Variants in PRKX observed in about 807,000 individuals in gnomAD.
The protein encoded by PRKX is protein kinase cAMP-dependent X-linked catalytic subunit.
In PRKX, 12 loss-of-function variants were observed where a neutral mutation model predicts 22.0. That is an observed-to-expected ratio of 0.54 (90% CI 0.35 to 0.88). The LOEUF (loss-of-function observed/expected upper bound fraction) is 0.88. Among genes scored for constraint, PRKX ranks in the 40% least tolerant of loss-of-function variants. PRKX has a pLI of 0.01. For synonymous variants in PRKX, 134 were observed against 137.7 expected (o/e 0.97, Z 0.19); for missense variants, 217 against 308.0 (o/e 0.70, Z 2.21).
intron 4 of PRKX, among the ~76,000 whole-genome samples, chrX:3,632,239 C>T (rs955297764): frequency 1.8e-5 from 2 of 111,370 alleles, no homozygotes; most frequent in Admixed American, 9.6e-5. Context: ...TCTCTTTGGG[C>T]CGCTGGTCCT....
chrX:3,696,841 A>G (rs747665839), intron 1 of PRKX, among the ~76,000 whole-genome samples: 219 of 111,514 alleles, frequency 2.0e-3, no homozygotes, highest in African/African-American at 6.8e-3. Flanking sequence ...CCAACAAGGC[A>G]AAACTCTGTC....
intron 1 of PRKX, among the ~76,000 whole-genome samples, chrX:3,712,384 A>G (rs1003404298): frequency 2.7e-5 from 3 of 111,933 alleles, no homozygotes; most frequent in South Asian, 3.8e-4. Context: ...CGGATGCAAG[A>G]GCACCGAGAA....
chrX:3,710,216 C>G (rs1357035085), intron 1 of PRKX, among the ~76,000 whole-genome samples: 1 of 111,977 alleles, frequency 8.9e-6, no homozygotes, highest in Non-Finnish European at 1.9e-5. Flanking sequence ...TATGACTGTT[C>G]TGATCCAAAG....
At chrX:3,665,578 C>T (rs1238331326) in intron 2 of PRKX, among the ~76,000 whole-genome samples, 1 of 111,507 alleles carries the variant, frequency 9.0e-6, no homozygotes, top group African/African-American at 3.3e-5. Flanking sequence ...TTATTCACTA[C>T]AGCCAAGAGG....
At chrX:3,610,629 A>G (rs1186387202) in intron 8 of PRKX, among the ~76,000 whole-genome samples, 1 of 111,295 alleles carries the variant, frequency 9.0e-6, no homozygotes, top group Non-Finnish European at 1.9e-5. Context: ...TACGTGTGGA[A>G]TCTTTTTCAG....
intron 1 of PRKX, among the ~76,000 whole-genome samples, chrX:3,681,182 G>A (rs1402125751): frequency 4.5e-5 from 5 of 111,755 alleles, no homozygotes; most frequent in Admixed American, 1.9e-4. Flanking sequence ...AGGAATTCCC[G>A]ACCAGCCTGG....
At chrX:3,701,180 C>G (rs1419183966) in intron 1 of PRKX, among the ~76,000 whole-genome samples, 5 of 110,569 alleles carry the variant, frequency 4.5e-5, no homozygotes, top group African/African-American at 6.6e-5. Context: ...GCCATCATAG[C>G]TCACTGCAGC....
chrX:3,673,774 T>G (rs894420299), intron 2 of PRKX, among the ~76,000 whole-genome samples: 1 of 111,052 alleles, frequency 9.0e-6, no homozygotes, highest in African/African-American at 3.3e-5. Flanking sequence ...CAAATCCCTA[T>G]GTTGGATCCT....
chrX:3,675,673 TTCCTCC>T (rs56177616), intron 1 of PRKX, among the ~76,000 whole-genome samples: 2 of 108,367 alleles, frequency 1.8e-5, no homozygotes, highest in South Asian at 8.0e-4. Flanking sequence ...GCTTTGCTTG[TTCCTCC>T]TCCTCCTTTC....
intron 2 of PRKX, among the ~76,000 whole-genome samples, chrX:3,664,098 C>T (rs1927669494): frequency 8.9e-6 from 1 of 111,926 alleles, no homozygotes; most frequent in African/African-American, 3.2e-5. Context: ...TGCAACACTG[C>T]CTTGCACAGC....
intron 1 of PRKX, among the ~76,000 whole-genome samples, chrX:3,686,460 C>A (rs1314458318): frequency 9.4e-6 from 1 of 106,433 alleles, no homozygotes; most frequent in Non-Finnish European, 1.9e-5. Context: ...TGGTCTTGAA[C>A]TCCTGGCTTC....
At chrX:3,656,185 T>C (rs777344167) in intron 2 of PRKX, among the ~76,000 whole-genome samples, 15 of 111,509 alleles carry the variant, frequency 1.3e-4, no homozygotes, top group African/African-American at 4.6e-4. Context: ...TCTATACGTA[T>C]AGATGTTACA....
intron 1 of PRKX, among the ~76,000 whole-genome samples, chrX:3,700,736 G>A (rs936068086): frequency 3.5e-5 from 3 of 86,597 alleles, no homozygotes; most frequent in East Asian, 2.9e-4. Flanking sequence ...GTGCCACCAC[G>A]CCCAGCTAAT....
At chrX:3,698,221 G>C (rs1176692545) in intron 1 of PRKX, among the ~76,000 whole-genome samples, 2 of 112,001 alleles carry the variant, frequency 1.8e-5, no homozygotes, top group South Asian at 3.7e-4. Context: ...TACAACTACG[G>C]ATCTTGTAGT....
At chrX:3,702,206 A>C (rs1187895206) in intron 1 of PRKX, among the ~76,000 whole-genome samples, 3 of 112,410 alleles carry the variant, frequency 2.7e-5, no homozygotes, top group African/African-American at 9.7e-5. Flanking sequence ...AAACGCAGGC[A>C]GGCTTCACAG....
rs753859328 is a variant in PRKX, at chrX:3,612,978, C to G, written c.952-653G>C. ...GAACAGCCTGGCCCATGGAGAAACC[C>G]TGTCTCTACCGAAAAGACAAAAATT... On this transcript the variant is annotated intron_variant, in intron 7 of 8. Transcript: ENST00000262848. Among the ~76,000 whole-genome samples the G allele has an allele frequency of 1.1e-3, 113 of 107,077 alleles. 1 individual carries two copies. The highest frequency in any genetic ancestry group is 3.6e-3 in the African/African-American group (106 of 29,773). 93.0% of individuals were successfully genotyped at this position (107,077 alleles called of 115,157 possible). A position where few individuals can be genotyped will look rare whatever the true frequency, so the allele number is the denominator to read the frequency against.
At chrX:3,659,023 T>A (rs184224495) in intron 2 of PRKX, among the ~76,000 whole-genome samples, 1 of 111,426 alleles carries the variant, frequency 9.0e-6, no homozygotes, top group East Asian at 2.8e-4. Context: ...TCCAGCACTT[T>A]GGGAAGCCAA....
chrX:3,627,467 C>CT (rs35486033), intron 4 of PRKX, among the ~76,000 whole-genome samples: 68 of 98,517 alleles, frequency 6.9e-4, no homozygotes, highest in Admixed American at 7.7e-4. Flanking sequence ...AAAGGGAACT[C>CT]TTTTTTTTTT....
chrX:3,700,190 G>C (rs1423892025), intron 1 of PRKX, among the ~76,000 whole-genome samples: 4 of 112,033 alleles, frequency 3.6e-5, no homozygotes, highest in African/African-American at 1.3e-4. Flanking sequence ...CCTCTGGCTT[G>C]TGACAGCCAA....
Sources: allele counts gnomAD v4.1 joint callset (sites outside exome capture counted in the v4.1 genomes callset), GRCh38; gene constraint gnomAD v4.1.1; transcripts MANE v1.5; gene names NCBI Gene and HGNC (gene_info 2026-07-23, HGNC 2026-07-21).